The following DOP1A variants were observed in gnomAD, a reference collection of about 807,000 sequenced individuals.
The protein encoded by DOP1A is DOP1 leucine zipper like protein A, also known as protein DOP1A.
Under a neutral mutation model 267.6 loss-of-function variants are expected in DOP1A, and 90 were observed. That is an observed-to-expected ratio of 0.34 (90% confidence interval 0.28 to 0.40). The LOEUF (loss-of-function observed/expected upper bound fraction) is 0.40, where lower values mean the gene tolerates loss of function less well. DOP1A is among the 10% of genes least tolerant of loss of function. The probability of loss-of-function intolerance (pLI) is 1.00; values close to 1 mark genes in which losing one functional copy is unlikely to be tolerated. For synonymous variants in DOP1A, 932 were observed against 999.1 expected (o/e 0.93, Z 1.27); for missense variants, 2,437 against 2,900.4 (o/e 0.84, Z 3.67).
At chr6:83,150,032 C>T (rs1055924244) in intron 27 of DOP1A, among the ~76,000 whole-genome samples, 25 of 152,146 alleles carry the variant, frequency 1.6e-4, no homozygotes, top group African/African-American at 5.1e-4. Flanking sequence ...ACAGCAAATG[C>T]TTAGTGTGGG....
At chr6:83,117,165 T>C (rs9449577) in intron 7 of DOP1A, among the ~76,000 whole-genome samples, 4,672 of 150,894 alleles carry the variant, frequency 0.031, 192 homozygotes, top group African/African-American at 0.087. Flanking sequence ...TTTTATTTTA[T>C]TTTGAGACAG....
At chr6:83,082,211 G>A (rs1768217648) in intron 1 of DOP1A, among the ~76,000 whole-genome samples, 1 of 152,150 alleles carries the variant, frequency 6.6e-6, no homozygotes, top group African/African-American at 2.4e-5. Flanking sequence ...GTCAAAGAGA[G>A]AAGTGCACAT....
chr6:83,153,601 C>T lies in DOP1A; in HGVS notation c.6220C>T (p.Pro2074Ser). The T allele has an allele frequency of 6.3e-7, 1 of 1,599,736 alleles. No individual in the cohort carries two copies. Among genetic ancestry groups the T allele is most frequent in the Non-Finnish European group, 8.5e-7 (1 of 1,173,718 alleles). Reference protein sequence around the residue: ...LLVNIMHYVVPYLRNHSAHNA... With the variant: ...LLVNIMHYVVSYLRNHSAHNA... ...TGTAAATATTATGCATTATGTTGTG[C>T]CCTACCTCAGAAATCACAGGTACTA... The change falls in exon 31 of 39, where the codon CCC (proline) becomes TCC (serine). Residue 2074 changes from proline to serine, a missense_variant. Physicochemically the swap from Pro to Ser is moderately conservative, Grantham distance 74 (BLOSUM62 -1). Transcript: ENST00000349129.
In DOP1A at chr6:83,067,694, C is replaced by T. The variant is rs62419226; in HGVS notation, c.-232C>T. ...GCACGGTGCACTCTGGGAGCTGTCA[C>T]TAGGCCCTTCGGCTCCCGGTCTCGG... On this transcript the variant is annotated 5_prime_UTR_variant, in exon 1 of 39. Coordinates refer to ENST00000349129, the MANE Select transcript of DOP1A (RefSeq NM_015018.4). 0.094 allele frequency: 14,292 copies of T among 151,950 alleles called. 866 individuals are homozygous for T. Among genetic ancestry groups the T allele is most frequent in the East Asian group, 0.15 (791 of 5,106 alleles). The allele number at this position is 151,950 out of a possible 1,614,324, so 9.4% of individuals were successfully genotyped here. A position where few individuals can be genotyped will look rare whatever the true frequency, so the allele number is the denominator to read the frequency against.
At chr6:83,159,088 T>A (rs1783561105) in intron 36 of DOP1A, among the ~76,000 whole-genome samples, 1 of 152,204 alleles carries the variant, frequency 6.6e-6, no homozygotes, top group Non-Finnish European at 1.5e-5. Context: ...ATTTATAAAT[T>A]GAAAAGTTCC....
At chr6:83,170,506 C>T (rs752240625), downstream of DOP1A, 8 of 1,569,012 alleles carry the variant, frequency 5.1e-6, no homozygotes, top group South Asian at 3.3e-5. Context: ...ATATTTGTTA[C>T]TCTATTACAC....
At position 83,115,344 on chromosome 6, in the gene DOP1A, T is replaced by C. The variant is rs779924933; in HGVS notation, c.780+1923T>C. ...ATGTATACATTCTGGAATCTGTAAA[T>C]GGAGCTAATTAACATTCATTACCTC... On this transcript the variant is annotated intron_variant, in intron 7 of 38. Transcript: ENST00000349129. 1.4e-3 allele frequency among the ~76,000 whole-genome samples: 216 copies of C among 152,218 alleles called. 1 individual carries two copies. The highest frequency in any genetic ancestry group is 6.3e-4 in the Non-Finnish European group (43 of 68,042).
chr6:83,088,413 T>G (rs1488724551), intron 1 of DOP1A, among the ~76,000 whole-genome samples: 2 of 150,708 alleles, frequency 1.3e-5, no homozygotes, highest in Non-Finnish European at 2.9e-5. Flanking sequence ...AAGTGTTGTC[T>G]TCCATCTTTT....
At chr6:83,126,836 G>A (rs935779266) in intron 15 of DOP1A, among the ~76,000 whole-genome samples, 5 of 152,090 alleles carry the variant, frequency 3.3e-5, no homozygotes, top group Admixed American at 2.0e-4. Context: ...ATGGACAGCC[G>A]GCTGTGTAGG....
chr6:83,161,768 T>C (rs1784290893), intron 37 of DOP1A, among the ~76,000 whole-genome samples: 1 of 152,188 alleles, frequency 6.6e-6, no homozygotes, highest in South Asian at 2.1e-4. Flanking sequence ...TCAGAGGTTA[T>C]ATTTACCAAA....
At chr6:83,125,275 A>C (rs1776981198) in intron 14 of DOP1A, 80 bp downstream of exon 14, 2 of 1,374,422 alleles carry the variant, frequency 1.5e-6, no homozygotes, top group Non-Finnish European at 9.9e-7. Flanking sequence ...GTAGCAGATA[A>C]AACTGGGGTT....
intron 4 of DOP1A, among the ~76,000 whole-genome samples, chr6:83,105,692 A>G (rs193037675): frequency 8.2e-4 from 124 of 152,130 alleles, no homozygotes; most frequent in African/African-American, 2.5e-3. Flanking sequence ...ATAGTATGTA[A>G]GGCCAGTAAA....
chr6:83,141,884 TAA>T (rs750789993), intron 23 of DOP1A, 35 bp from the exon 24 acceptor site: 6 of 1,571,910 alleles, frequency 3.8e-6, no homozygotes, highest in Non-Finnish European at 5.1e-6. Context: ...TTTCATTTTT[TAA>T]AAGTTTCACT....
At chr6:83,109,801 A>T (rs1774242100) in intron 5 of DOP1A, among the ~76,000 whole-genome samples, 1 of 152,222 alleles carries the variant, frequency 6.6e-6, no homozygotes, top group Non-Finnish European at 1.5e-5. Context: ...TACTTAGCGT[A>T]CTTTAACAAC....
At chr6:83,169,512 C>T (rs989958142), downstream of DOP1A, 6 of 620,668 alleles carry the variant, frequency 9.7e-6, no homozygotes, top group Non-Finnish European at 1.7e-5. Flanking sequence ...AAACGGAAAA[C>T]AGACCAAATT....
rs547070773 is a variant in DOP1A at position 83,152,166 on chromosome 6, AAT to A, written c.6050-112_6050-111del. The A allele has an allele frequency of 6.3e-5, 57 of 910,972 alleles. 1 individual carries two copies. The South Asian group carries it at 6.4e-4, about 10-fold the overall frequency. The allele number at this position is 910,972 out of a possible 1,614,324, so 56.4% of individuals were successfully genotyped here. On this transcript the variant is annotated intron_variant, in intron 29 of 38. Transcript: ENST00000349129. ...CAAGTAACTTTTTTTCAGTGGGAAA[AAT>A]ATATATATACATATACATATATATA...
chr6:83,088,650 G>A (rs1769763288), intron 1 of DOP1A, among the ~76,000 whole-genome samples: 1 of 151,962 alleles, frequency 6.6e-6, no homozygotes, highest in Non-Finnish European at 1.5e-5. Flanking sequence ...TTGATCTCCT[G>A]ACCTCGTGAT....
At chr6:83,089,423 T>A (rs576862745) in intron 1 of DOP1A, among the ~76,000 whole-genome samples, 3 of 152,326 alleles carry the variant, frequency 2.0e-5, no homozygotes, top group African/African-American at 7.2e-5. Flanking sequence ...CATAAACAGC[T>A]TTTTTGCTTT....
chr6:83,170,621 T>G (rs1786893155), downstream of DOP1A: 2 of 677,044 alleles, frequency 3.0e-6, no homozygotes, highest in Middle Eastern at 3.7e-4. Context: ...GGTAATTAAT[T>G]TCAACATTTG....
Sources: allele counts gnomAD v4.1 joint callset (sites outside exome capture counted in the v4.1 genomes callset), GRCh38; gene constraint gnomAD v4.1.1; transcripts MANE v1.5; gene names NCBI Gene and HGNC (gene_info 2026-07-23, HGNC 2026-07-21).